Variants in CALHM4 observed in about 807,000 individuals in gnomAD.
CALHM4 encodes the protein calcium homeostasis modulator family member 4.
Under a neutral mutation model 13.3 loss-of-function variants are expected in CALHM4, and 16 were observed. The observed-to-expected ratio is 1.20, with a 90% CI of 0.81 to 1.82. The LOEUF is 1.82. Ranked by LOEUF, CALHM4 falls within the 40% of genes most tolerant of loss-of-function variation. CALHM4 has a pLI of 0.00. For missense variants in CALHM4, 344 were observed against 374.9 expected, an observed-to-expected ratio of 0.92 and a Z score of 0.68; for synonymous variants, 127 against 137.1, an observed-to-expected ratio of 0.93 and a Z score of 0.52.
At chr6:116,530,216 AC>A (rs990967989) in intron 1 of CALHM4, among the ~76,000 whole-genome samples, 2 of 151,352 alleles carry the variant, frequency 1.3e-5, no homozygotes, top group East Asian at 1.9e-4. Context: ...GGAACAAACC[AC>A]CCCCCCTCCT....
intron 2 of CALHM4, among the ~76,000 whole-genome samples, chr6:116,546,500 C>T (rs1261287316): frequency 6.6e-6 from 1 of 152,160 alleles, no homozygotes; most frequent in Admixed American, 6.5e-5. Flanking sequence ...AAGTGACAAA[C>T]TCAAGAATAC....
chr6:116,542,654 G>A (rs1242754907), intron 1 of CALHM4, among the ~76,000 whole-genome samples: 1 of 152,002 alleles, frequency 6.6e-6, no homozygotes, highest in African/African-American at 2.4e-5. Flanking sequence ...ATCAAAAGGT[G>A]GAATTTGTGC....
intron 2 of CALHM4, chr6:116,543,945 C>T: frequency 8.4e-7 from 1 of 1,193,116 alleles, no homozygotes. Context: ...CAAAATATGT[C>T]CCATTTTTAG....
intron 2 of CALHM4, among the ~76,000 whole-genome samples, chr6:116,547,768 T>C (rs771567765): frequency 2.2e-4 from 33 of 152,236 alleles, no homozygotes; most frequent in Non-Finnish European, 4.7e-4. Flanking sequence ...TCCAAGATAA[T>C]GCATAAGCAA....
At chr6:116,538,051 G>T (rs1235269761) in intron 1 of CALHM4, among the ~76,000 whole-genome samples, 1 of 152,140 alleles carries the variant, frequency 6.6e-6, no homozygotes. Context: ...TTTGTTAGCA[G>T]CTATTTTGAA....
intron 2 of CALHM4, among the ~76,000 whole-genome samples, chr6:116,546,486 T>C (rs1773788560): frequency 6.6e-6 from 1 of 152,228 alleles, no homozygotes; most frequent in Non-Finnish European, 1.5e-5. Flanking sequence ...AAATTCTTGC[T>C]ATAAAGTGAC....
intron 1 of CALHM4, among the ~76,000 whole-genome samples, chr6:116,541,930 AT>A (rs563216663): frequency 6.6e-6 from 1 of 152,100 alleles, no homozygotes; most frequent in African/African-American, 2.4e-5. Flanking sequence ...CTAAATGTGA[AT>A]TTTTTTCTTA....
In CALHM4 at chr6:116,560,662, G is replaced by A. The variant is rs774383718; in HGVS notation, c.*2451G>A. On this transcript the variant is annotated 3_prime_UTR_variant, in exon 2 of 2. Coordinates refer to ENST00000368596, the MANE Select transcript of CALHM4 (RefSeq NM_001366078.2). ...ATTTTTAGTATTTTGGGGGGGGGGG[G>A]GGCTATGGTCTATAGCATTTTTTTG... is the stretch of plus-strand genomic sequence containing the variant. 0.09 allele frequency among the ~76,000 whole-genome samples: 10,981 copies of A among 122,392 alleles called. 605 individuals carry two copies. The highest frequency in any genetic ancestry group is 0.1 in the African/African-American group (3,514 of 34,442). 80.3% of individuals were successfully genotyped at this position (122,392 alleles called of 152,430 possible).
chr6:116,529,951 C>T (rs2115185070), intron 1 of CALHM4, among the ~76,000 whole-genome samples: 1 of 152,192 alleles, frequency 6.6e-6, no homozygotes, highest in South Asian at 2.1e-4. Context: ...ACATATTCAT[C>T]CTAGTAAAAG....
At chr6:116,557,031 G>A (rs140410288) in intron 1 of CALHM4, among the ~76,000 whole-genome samples, 3 of 144,062 alleles carry the variant, frequency 2.1e-5, no homozygotes, top group Non-Finnish European at 3.0e-5. Flanking sequence ...TCTGCCTTCT[G>A]GGTTCAAGAA....
chr6:116,553,140 T>C (rs1488422360), upstream of CALHM4, among the ~76,000 whole-genome samples: 1 of 152,218 alleles, frequency 6.6e-6, no homozygotes, highest in Non-Finnish European at 1.5e-5. Flanking sequence ...TATAAACAAA[T>C]CTGCAACTTA....
rs1180605733 is a variant in CALHM4, at chr6:116,543,252, G to A, written c.-108-513G>A. 3 of 1,358,718 alleles carry A rather than the reference G, an allele frequency of 2.2e-6. No individual in the cohort carries two copies. The East Asian group carries it at 7.7e-5, about 35-fold the overall frequency. The allele number at this position is 1,358,718 out of a possible 1,614,324, so 84.2% of individuals were successfully genotyped here. ...GTCATTAGAGGCAGAAAGAATGCAG[G>A]TGATGTAAGAAACAACAGCCATTCA... On this transcript the variant is annotated intron_variant, in intron 1 of 2. Transcript: ENST00000368597.
At chr6:116,538,159 A>C (rs974142348) in intron 1 of CALHM4, among the ~76,000 whole-genome samples, 8 of 152,242 alleles carry the variant, frequency 5.3e-5, no homozygotes, top group African/African-American at 1.9e-4. Flanking sequence ...ATGTGGAATT[A>C]TCTCTTCTGA....
At chr6:116,540,227 T>G (rs1027011409) in intron 1 of CALHM4, 2 of 804,440 alleles carry the variant, frequency 2.5e-6, no homozygotes, top group African/African-American at 3.5e-5. Context: ...TAAAATGCTT[T>G]TCAATCAGAA....
intron 2 of CALHM4, among the ~76,000 whole-genome samples, chr6:116,544,177 G>GAGAGAGAGAGAA (rs1203733986): frequency 1.3e-5 from 2 of 151,576 alleles, no homozygotes; most frequent in East Asian, 3.9e-4. Flanking sequence ...GAGAGAGAGA[G>GAGAGAGAGAGAA]AGAGAATGAT....
upstream of CALHM4, among the ~76,000 whole-genome samples, chr6:116,550,478 T>C (rs894462919): frequency 1.3e-5 from 2 of 152,182 alleles, no homozygotes; most frequent in African/African-American, 4.8e-5. Context: ...ACATTGAGGA[T>C]AATATTAGTA....
Position 116,558,112 on chromosome 6 carries a change from C to T in CALHM4, c.846C>T (p.Cys282=), listed in dbSNP as rs1774423118. ...WKDISVPTLL[C]MGDDLQGHYS... ...ATATTTCAGTACCCACTCTTTTATG[C>T]ATGGGTGATGACTTGCAAGGTCACT... Residue 282 remains cysteine, a synonymous_variant, in exon 2 of 2, where the codon TGC becomes TGT. Transcript: ENST00000368596. The T allele has an allele frequency of 1.2e-6, 2 of 1,614,020 alleles. No individual in the cohort carries two copies. The highest frequency in any genetic ancestry group is 1.3e-5 in the African/African-American group (1 of 74,912).
intron 2 of CALHM4, among the ~76,000 whole-genome samples, chr6:116,545,100 T>TAC (rs1043968867): frequency 3.7e-4 from 56 of 150,614 alleles, no homozygotes; most frequent in African/African-American, 1.4e-3. Flanking sequence ...ACTATATATA[T>TAC]ACACACATAT....
At chr6:116,557,763 C>T in intron 1 of CALHM4, 62 bp from the exon 2 acceptor site, 1 of 1,540,386 alleles carries the variant, frequency 6.5e-7, no homozygotes. Context: ...CCTCCCATGG[C>T]TGTTGCTTGA....
Sources: gnomAD v4.1 joint callset for allele counts (sites outside exome capture counted in the v4.1 genomes callset) on GRCh38, gnomAD v4.1.1 for gene constraint, MANE v1.5 for transcripts, NCBI Gene and HGNC (gene_info 2026-07-23, HGNC 2026-07-21) for gene names.